Variants in ATXN1 observed in about 807,000 individuals in gnomAD.
ATXN1 encodes the protein ataxin 1, also known as ataxin-1.
Under a neutral mutation model 56.4 loss-of-function variants are expected in ATXN1, and 8 were observed. The observed-to-expected ratio is 0.14, with a 90% confidence interval of 0.08 to 0.26. The LOEUF is 0.26. Ranked by LOEUF, ATXN1 falls within the 10% of genes least tolerant of loss-of-function variation. ATXN1 has a pLI of 1.00. For synonymous variants in ATXN1, 514 were observed against 494.6 expected, an observed-to-expected ratio of 1.04 and a Z score of -0.52; for missense variants, 987 against 1,106.5, an observed-to-expected ratio of 0.89 and a Z score of 1.53.
chr6:16,756,064 T>C (rs1760878177), intron 1 of ATXN1, among the ~76,000 whole-genome samples: 1 of 152,116 alleles, frequency 6.6e-6, no homozygotes, highest in African/African-American at 2.4e-5. Context: ...CAAATATTTA[T>C]AGTACATTAG....
Position 16,302,020 on chromosome 6 carries a change from C to T in ATXN1, c.*4309G>A, listed in dbSNP as rs1760118993. 1 of 152,774 alleles carries T rather than the reference C, an allele frequency of 6.5e-6. No homozygotes were observed. The highest frequency in any genetic ancestry group is 2.4e-5 in the African/African-American group (1 of 41,586). 9.5% of individuals were successfully genotyped at this position (152,774 alleles called of 1,614,324 possible). On this transcript the variant is annotated 3_prime_UTR_variant, in exon 8 of 8. Coordinates refer to ENST00000436367, the MANE Select transcript of ATXN1 (RefSeq NM_001128164.2). Reference sequence around the variant, plus strand: ...GCAACATATTTCAGTAAAGATCAAACTGTGCAAAGAGTGGATTTTATGATT... The same window carrying T: ...GCAACATATTTCAGTAAAGATCAAATTGTGCAAAGAGTGGATTTTATGATT...
intron 3 of ATXN1, among the ~76,000 whole-genome samples, chr6:16,631,291 G>A (rs185457729): frequency 1.5e-3 from 235 of 152,240 alleles, no homozygotes; most frequent in African/African-American, 5.2e-3. Context: ...AAACTCTGTG[G>A]CTTCATGAAT....
intron 6 of ATXN1, among the ~76,000 whole-genome samples, chr6:16,375,158 A>G (rs1762119112): frequency 6.6e-6 from 1 of 152,180 alleles, no homozygotes; most frequent in Non-Finnish European, 1.5e-5. Flanking sequence ...TTCAGACCCT[A>G]TCGCCGCATC....
intron 5 of ATXN1, among the ~76,000 whole-genome samples, chr6:16,514,241 C>T (rs1031254096): frequency 6.6e-6 from 1 of 152,020 alleles, no homozygotes; most frequent in African/African-American, 2.4e-5. Flanking sequence ...TGTTGGATCA[C>T]AAAGAGCAAG....
At chr6:16,402,922 C>T (rs546381333) in intron 6 of ATXN1, among the ~76,000 whole-genome samples, 2 of 152,314 alleles carry the variant, frequency 1.3e-5, no homozygotes, top group Admixed American at 1.3e-4. Flanking sequence ...AAAAAATTCA[C>T]GAACTCCAAA....
chr6:16,349,057 G>A (rs1443993979), intron 6 of ATXN1, among the ~76,000 whole-genome samples: 1 of 152,196 alleles, frequency 6.6e-6, no homozygotes, highest in Non-Finnish European at 1.5e-5. Flanking sequence ...TACCCCACAG[G>A]CTTGCTGTGA....
intron 6 of ATXN1, among the ~76,000 whole-genome samples, chr6:16,429,747 G>C (rs1759239379): frequency 6.6e-6 from 1 of 152,130 alleles, no homozygotes; most frequent in African/African-American, 2.4e-5. Context: ...GAAGCATTCT[G>C]TGTTTCTATG....
intron 2 of ATXN1, among the ~76,000 whole-genome samples, chr6:16,660,035 T>C (rs1758284791): frequency 6.6e-6 from 1 of 152,262 alleles, no homozygotes; most frequent in South Asian, 2.1e-4. Context: ...CATTCTGTGA[T>C]TTATCGCTGA....
intron 4 of ATXN1, among the ~76,000 whole-genome samples, chr6:16,540,238 A>G (rs1761686184): frequency 1.3e-5 from 2 of 152,022 alleles, no homozygotes; most frequent in African/African-American, 4.8e-5. Flanking sequence ...TTGGAGACGG[A>G]ATCTTGTTCT....
chr6:16,566,503 G>A (rs1405360020), intron 4 of ATXN1, among the ~76,000 whole-genome samples: 1 of 152,006 alleles, frequency 6.6e-6, no homozygotes, highest in Non-Finnish European at 1.5e-5. Context: ...AGCCTCCAGA[G>A]TAGCTGGACT....
At chr6:16,518,053 G>A (rs1474671245) in intron 5 of ATXN1, among the ~76,000 whole-genome samples, 2 of 152,218 alleles carry the variant, frequency 1.3e-5, no homozygotes, top group African/African-American at 4.8e-5. Flanking sequence ...TGCTTCCACT[G>A]AGCTAATTCT....
chr6:16,320,974 ACT>A (rs983780843), intron 7 of ATXN1, among the ~76,000 whole-genome samples: 1 of 151,758 alleles, frequency 6.6e-6, no homozygotes, highest in African/African-American at 2.4e-5. Flanking sequence ...CCTTCCATAA[ACT>A]CTTTTTAGAA....
At chr6:16,517,492 C>A (rs1761205630) in intron 5 of ATXN1, among the ~76,000 whole-genome samples, 1 of 152,128 alleles carries the variant, frequency 6.6e-6, no homozygotes, top group Non-Finnish European at 1.5e-5. Context: ...TAAAGCAGTA[C>A]TGGGCATGTT....
intron 4 of ATXN1, among the ~76,000 whole-genome samples, chr6:16,579,635 G>A: frequency 6.6e-6 from 1 of 152,076 alleles, no homozygotes; most frequent in East Asian, 1.9e-4. Flanking sequence ...CATCAGCACT[G>A]AATTCTTGTT....
At chr6:16,562,453 A>AAGGAAAGGAAATGAAAGGAGAGGAG (rs70999338) in intron 4 of ATXN1, among the ~76,000 whole-genome samples, 1 of 114,642 alleles carries the variant, frequency 8.7e-6, no homozygotes, top group Admixed American at 8.6e-5. Flanking sequence ...AAAGAAAGAA[A>AAGGAAAGGAAATGAAAGGAGAGGAG]AGGAGAGGAG....
At chr6:16,654,485 A>G (rs1758147705) in intron 3 of ATXN1, among the ~76,000 whole-genome samples, 2 of 150,434 alleles carry the variant, frequency 1.3e-5, no homozygotes, top group South Asian at 2.1e-4. Context: ...CGAAGGTTGC[A>G]GTGAGCCAAG....
intron 5 of ATXN1, among the ~76,000 whole-genome samples, chr6:16,502,307 T>C (rs773304157): frequency 4.6e-5 from 7 of 152,192 alleles, no homozygotes; most frequent in African/African-American, 7.2e-5. Flanking sequence ...CAAAGTTTCA[T>C]TGGTTCTTAT....
At chr6:16,504,698 C>CCTGG (rs1338905251) in intron 5 of ATXN1, among the ~76,000 whole-genome samples, 6 of 152,272 alleles carry the variant, frequency 3.9e-5, no homozygotes, top group Middle Eastern at 3.4e-3. Flanking sequence ...GGTGACCAGG[C>CCTGG]CTGGATCTGA....
chr6:16,695,451 T>C (rs141163860), intron 2 of ATXN1, among the ~76,000 whole-genome samples: 2 of 152,262 alleles, frequency 1.3e-5, no homozygotes, highest in Non-Finnish European at 1.5e-5. Flanking sequence ...CTCTGTTTCC[T>C]GGAATAACAG....
Sources: gnomAD v4.1 joint callset for allele counts (sites outside exome capture counted in the v4.1 genomes callset) on GRCh38, gnomAD v4.1.1 for gene constraint, MANE v1.5 for transcripts, NCBI Gene and HGNC (gene_info 2026-07-23, HGNC 2026-07-21) for gene names.